The following DOCK3 variants were observed in gnomAD, a reference collection of about 807,000 sequenced individuals.
DOCK3 encodes the protein dedicator of cytokinesis protein 3.
A neutral mutation model predicts 265.6 loss-of-function variants in DOCK3; 60 were observed. The ratio of observed to expected loss-of-function variants is 0.23; its 90% CI spans 0.18 to 0.28. The LOEUF (loss-of-function observed/expected upper bound fraction) is 0.28, where lower values mean the gene tolerates loss of function less well. Among genes scored for constraint, DOCK3 ranks in the 10% least tolerant of loss-of-function variants. The pLI is 1.00. For missense variants in DOCK3, 1,981 were observed against 2,594.3 expected (o/e 0.76, Z 5.14); for synonymous variants, 881 against 938.0 (o/e 0.94, Z 1.11).
At chr3:51,024,498 A>G (rs954004382) in intron 5 of DOCK3, among the ~76,000 whole-genome samples, 4 of 150,688 alleles carry the variant, frequency 2.7e-5, no homozygotes, top group Non-Finnish European at 4.4e-5. Flanking sequence ...TCTCAATTAG[A>G]TGTTCTGAGA....
At chr3:51,106,544 G>A (rs570749646) in intron 9 of DOCK3, among the ~76,000 whole-genome samples, 12 of 152,260 alleles carry the variant, frequency 7.9e-5, no homozygotes, top group Admixed American at 4.6e-4. Flanking sequence ...CTGCCACACC[G>A]CCATTGTTTT....
rs961292994 is a variant in DOCK3, at chr3:50,675,389, C to T, written c.37+89C>T. On this transcript the variant is annotated intron_variant, in intron 1 of 52. Transcript: ENST00000266037. This position sits in a 1 kb window ranked among gnomAD's most constrained non-coding sequence, Gnocchi z 6.1. ...GCCTGGATTCGCATCCTCGTGCCCCCGCCACTGCCCGCAGGCTGCGCGGCC... is the reference window on the plus strand; with the variant it reads ...GCCTGGATTCGCATCCTCGTGCCCCTGCCACTGCCCGCAGGCTGCGCGGCC... 3.7e-6 allele frequency: 4 copies of T among 1,094,192 alleles called. No homozygotes were observed. The African/African-American group carries it at 5.0e-5, about 14-fold the overall frequency. The allele number at this position is 1,094,192 out of a possible 1,614,324, so 67.8% of individuals were successfully genotyped here.
In DOCK3 at chr3:50,933,971, C is replaced by T. The variant is rs777982481; in HGVS notation, c.219-10C>T. On this transcript the variant is annotated splice_polypyrimidine_tract_variant and intron_variant, in intron 4 of 52. Coordinates refer to ENST00000266037, the MANE Select transcript of DOCK3 (RefSeq NM_004947.5). Reference sequence around the variant, plus strand: ...GATAATGTGGCTGTCTTTTGTGGCTCTGGTTCTAGGCAGTATGAAACTGTG... The same window carrying T: ...GATAATGTGGCTGTCTTTTGTGGCTTTGGTTCTAGGCAGTATGAAACTGTG... The T allele has an allele frequency of 5.2e-6, 8 of 1,541,288 alleles. No individual in the cohort carries two copies. The highest frequency in any genetic ancestry group is 4.6e-5 in the East Asian group (2 of 43,580).
At chr3:50,902,236 A>G (rs2049239886) in intron 4 of DOCK3, among the ~76,000 whole-genome samples, 2 of 152,154 alleles carry the variant, frequency 1.3e-5, no homozygotes, top group Admixed American at 6.6e-5. Flanking sequence ...TGCTTTTGGC[A>G]TTTTTGTCAT....
intron 9 of DOCK3, among the ~76,000 whole-genome samples, chr3:51,144,344 A>G (rs2085198903): frequency 1.3e-5 from 2 of 152,184 alleles, no homozygotes. Context: ...CAGAATCACC[A>G]GTGATCTGTG....
At chr3:51,338,860 G>T in intron 36 of DOCK3, 75 bp from the exon 37 acceptor site, 1 of 1,313,624 alleles carries the variant, frequency 7.6e-7, no homozygotes, top group South Asian at 1.3e-5. Context: ...CACACCCACG[G>T]CTATGGCCAG....
rs538137994 is a variant in DOCK3, at chr3:50,869,810, C to T, written c.163-20216C>T. Among the ~76,000 whole-genome samples the T allele has an allele frequency of 5.9e-5, 9 of 152,170 alleles. No individual in the cohort carries two copies. In the South Asian group the frequency reaches 1.5e-3, roughly 25 times the overall value. ...GGTACTTATACCTGTAAACTTCCAT[C>T]GAAGTACTGCTTTTGCTGTATTTTT... On this transcript the variant is annotated intron_variant, in intron 3 of 52. Coordinates refer to ENST00000266037, the MANE Select transcript of DOCK3 (RefSeq NM_004947.5).
At chr3:51,145,627 C>T (rs2085264504) in intron 9 of DOCK3, among the ~76,000 whole-genome samples, 1 of 152,120 alleles carries the variant, frequency 6.6e-6, no homozygotes, top group African/African-American at 2.4e-5. Context: ...AGCTCATCAG[C>T]TACCATTAGT....
intron 9 of DOCK3, among the ~76,000 whole-genome samples, chr3:51,105,297 G>A (rs2083240672): frequency 6.6e-6 from 1 of 152,138 alleles, no homozygotes; most frequent in African/African-American, 2.4e-5. Flanking sequence ...TCCCTCCAAT[G>A]GTGAGGATCT....
chr3:50,976,312 C>G (rs9826199), intron 5 of DOCK3, among the ~76,000 whole-genome samples: 112,849 of 120,512 alleles, frequency 0.94, 53,525 homozygotes, highest in East Asian at 1. Flanking sequence ...ACACTGCTTT[C>G]AATGTGTCCC....
At chr3:50,963,132 C>T (rs1167723388) in intron 5 of DOCK3, among the ~76,000 whole-genome samples, 3 of 152,184 alleles carry the variant, frequency 2.0e-5, no homozygotes, top group Non-Finnish European at 4.4e-5. Context: ...TTGCAGTGAG[C>T]CAAGATTGCA....
At chr3:51,140,033 G>A (rs140492805) in intron 9 of DOCK3, among the ~76,000 whole-genome samples, 153 of 152,334 alleles carry the variant, frequency 1.0e-3, no homozygotes, top group African/African-American at 3.2e-3. Flanking sequence ...GAGAGTTTAC[G>A]TGTTATCTGA....
chr3:50,857,178 A>T (rs1178010912), intron 3 of DOCK3, among the ~76,000 whole-genome samples: 1 of 152,056 alleles, frequency 6.6e-6, no homozygotes, highest in East Asian at 1.9e-4. Context: ...TAGGATGATA[A>T]TGGTTTAGTA....
intron 5 of DOCK3, among the ~76,000 whole-genome samples, chr3:50,979,309 T>C (rs2077605871): frequency 6.6e-6 from 1 of 152,206 alleles, no homozygotes; most frequent in South Asian, 2.1e-4. Context: ...GTAAATGGGA[T>C]TGTGATATAG....
At chr3:51,264,138 T>C (rs1432100122) in intron 23 of DOCK3, among the ~76,000 whole-genome samples, 2 of 152,176 alleles carry the variant, frequency 1.3e-5, no homozygotes, top group Non-Finnish European at 2.9e-5. Flanking sequence ...TTGCACATAT[T>C]CTAAAACTGA....
intron 12 of DOCK3, among the ~76,000 whole-genome samples, chr3:51,165,769 G>A (rs2086370632): frequency 6.6e-6 from 1 of 151,936 alleles, no homozygotes; most frequent in Admixed American, 6.6e-5. Flanking sequence ...CACAAAAGCA[G>A]GATTCCCTTT....
intron 14 of DOCK3, among the ~76,000 whole-genome samples, chr3:51,223,646 A>G (rs1407687138): frequency 1.3e-5 from 2 of 152,182 alleles, no homozygotes; most frequent in Admixed American, 6.5e-5. Flanking sequence ...CTAATGTGCA[A>G]TTAAAAGACT....
rs530825303 is a variant in DOCK3 at position 50,919,319 on chromosome 3, G to A, written c.219-14662G>A. On this transcript the variant is annotated intron_variant, in intron 4 of 52. Transcript: ENST00000266037. Reference sequence around the variant, plus strand: ...AGTTATTGGTAGCTTGATGGGGATAGCATTGAATCTATAAATAACCTTGGG... The same window carrying A: ...AGTTATTGGTAGCTTGATGGGGATAACATTGAATCTATAAATAACCTTGGG... Among the ~76,000 whole-genome samples, 8 of 152,232 alleles carry A rather than the reference G, an allele frequency of 5.3e-5. No homozygotes were observed. In the East Asian group the frequency reaches 1.4e-3, roughly 26 times the overall value.
intron 1 of DOCK3, among the ~76,000 whole-genome samples, chr3:50,769,569 G>A (rs2041143609): frequency 6.6e-6 from 1 of 152,064 alleles, no homozygotes; most frequent in African/African-American, 2.4e-5. Flanking sequence ...CTAGCACTTT[G>A]GGAGGCTGAG....
Sources: gnomAD v4.1 joint callset for allele counts (sites outside exome capture counted in the v4.1 genomes callset) on GRCh38, gnomAD v4.1.1 for gene constraint, Gnocchi (gnomAD v3.1) non-coding constraint, MANE v1.5 for transcripts, NCBI Gene and HGNC (gene_info 2026-07-23, HGNC 2026-07-21) for gene names.